Variants in SLC35F1 observed in about 807,000 individuals in gnomAD.
SLC35F1 encodes chromosome 6 open reading frame 169.
SLC35F1 carries 14 observed loss-of-function variants against 48.7 expected under a neutral mutation model. The ratio of observed to expected loss-of-function variants is 0.29; its 90% CI spans 0.19 to 0.45. The LOEUF is 0.45. Ranked by LOEUF, SLC35F1 falls within the 20% of genes least tolerant of loss-of-function variation. The pLI is 1.00. For synonymous variants in SLC35F1, 190 were observed against 202.2 expected, an observed-to-expected ratio of 0.94 and a Z score of 0.51; for missense variants, 404 against 500.0, an observed-to-expected ratio of 0.81 and a Z score of 1.83.
At chr6:117,945,202 A>G (rs1335517243) in intron 1 of SLC35F1, among the ~76,000 whole-genome samples, 1 of 152,186 alleles carries the variant, frequency 6.6e-6, no homozygotes, top group Non-Finnish European at 1.5e-5. Context: ...GTCATCTGGC[A>G]ATTGCCCAGT....
intron 1 of SLC35F1, among the ~76,000 whole-genome samples, chr6:117,953,622 T>G (rs1776391047): frequency 6.6e-6 from 1 of 152,180 alleles, no homozygotes; most frequent in Non-Finnish European, 1.5e-5. Context: ...GTAAAAGTTG[T>G]TGTTTCCCAT....
intron 1 of SLC35F1, among the ~76,000 whole-genome samples, chr6:117,922,775 C>T (rs1247178690): frequency 1.3e-5 from 2 of 152,132 alleles, no homozygotes; most frequent in Non-Finnish European, 2.9e-5. Flanking sequence ...AATTAATATC[C>T]TCTTTGAGCC....
chr6:117,994,844 T>G (rs1776964332), intron 1 of SLC35F1, among the ~76,000 whole-genome samples: 1 of 152,252 alleles, frequency 6.6e-6, no homozygotes, highest in African/African-American at 2.4e-5. Context: ...TTGAATCATT[T>G]CTGTGTCCAA....
intron 1 of SLC35F1, among the ~76,000 whole-genome samples, chr6:117,930,263 C>T (rs1403123989): frequency 6.6e-6 from 1 of 152,158 alleles, no homozygotes; most frequent in African/African-American, 2.4e-5. Flanking sequence ...TGTCTGGACT[C>T]TACATTTTGC....
intron 1 of SLC35F1, among the ~76,000 whole-genome samples, chr6:117,946,264 AATT>A (rs1310504291): frequency 6.6e-6 from 1 of 152,194 alleles, no homozygotes; most frequent in Non-Finnish European, 1.5e-5. Flanking sequence ...TGGATTTAAA[AATT>A]ATTATCTTAA....
chr6:118,071,073 C>A (rs1772712002), intron 1 of SLC35F1, among the ~76,000 whole-genome samples: 1 of 1,186 alleles, frequency 8.4e-4, no homozygotes, highest in Non-Finnish European at 1.3e-3. Flanking sequence ...CGTATATATA[C>A]TATGTGTATA....
intron 3 of SLC35F1, among the ~76,000 whole-genome samples, chr6:118,259,141 A>G (rs1483257157): frequency 1.3e-5 from 2 of 151,788 alleles, no homozygotes; most frequent in Non-Finnish European, 2.9e-5. Flanking sequence ...ATAGAAAGAA[A>G]AAGTTTTGCT....
At chr6:117,974,411 C>T (rs1776681405) in intron 1 of SLC35F1, among the ~76,000 whole-genome samples, 1 of 152,160 alleles carries the variant, frequency 6.6e-6, no homozygotes, top group Non-Finnish European at 1.5e-5. Context: ...TCTTATTCTG[C>T]ACTGAAGTGA....
chr6:118,022,956 C>T (rs1393053925), intron 1 of SLC35F1, among the ~76,000 whole-genome samples: 2 of 152,076 alleles, frequency 1.3e-5, no homozygotes, highest in Non-Finnish European at 2.9e-5. Flanking sequence ...GACGGGGTTT[C>T]ACCGTGTTAG....
chr6:117,984,598 C>G (rs1776826213), intron 1 of SLC35F1, among the ~76,000 whole-genome samples: 1 of 152,052 alleles, frequency 6.6e-6, no homozygotes, highest in African/African-American at 2.4e-5. Flanking sequence ...CCCAGCCATG[C>G]CCATTCATTT....
intron 1 of SLC35F1, among the ~76,000 whole-genome samples, chr6:118,147,413 T>G (rs1485402315): frequency 6.6e-6 from 1 of 152,142 alleles, no homozygotes; most frequent in African/African-American, 2.4e-5. Context: ...TTATAGCCTA[T>G]GCAGAGTTGG....
At chr6:117,945,821 G>T (rs1289000863) in intron 1 of SLC35F1, among the ~76,000 whole-genome samples, 1 of 152,086 alleles carries the variant, frequency 6.6e-6, no homozygotes, top group Non-Finnish European at 1.5e-5. Flanking sequence ...TTTTAATTTT[G>T]GAAAAAGTGT....
intron 1 of SLC35F1, among the ~76,000 whole-genome samples, chr6:118,140,767 T>C (rs1182959342): frequency 2.0e-5 from 3 of 152,214 alleles, no homozygotes; most frequent in Admixed American, 6.5e-5. Context: ...GTGATATTGA[T>C]GACCTTGATC....
At chr6:118,162,628 A>C (rs1207475674) in intron 2 of SLC35F1, among the ~76,000 whole-genome samples, 1 of 152,196 alleles carries the variant, frequency 6.6e-6, no homozygotes, top group African/African-American at 2.4e-5. Context: ...CTGGGCCTAG[A>C]GTTTACAATA....
chr6:118,182,416 C>T (rs185094718), intron 2 of SLC35F1, among the ~76,000 whole-genome samples: 1 of 151,236 alleles, frequency 6.6e-6, no homozygotes, highest in East Asian at 1.9e-4. Context: ...TGTTTAAGCC[C>T]CAGCAATTGA....
At chr6:118,099,393 A>G (rs1773224501) in intron 1 of SLC35F1, among the ~76,000 whole-genome samples, 1 of 152,200 alleles carries the variant, frequency 6.6e-6, no homozygotes, top group African/African-American at 2.4e-5. Flanking sequence ...GCTGTCAGCT[A>G]TGGAAGGTAT....
intron 1 of SLC35F1, among the ~76,000 whole-genome samples, chr6:118,030,353 T>C (rs568130703): frequency 6.6e-6 from 1 of 151,208 alleles, no homozygotes; most frequent in East Asian, 2.0e-4. Flanking sequence ...GTGTCTCCCA[T>C]CAGTGACAGC....
intron 1 of SLC35F1, among the ~76,000 whole-genome samples, chr6:118,065,705 A>G (rs998445871): frequency 6.6e-6 from 1 of 152,218 alleles, no homozygotes; most frequent in Non-Finnish European, 1.5e-5. Flanking sequence ...ATTAAATTTA[A>G]TGGAATTTTG....
At chr6:118,049,058 C>T (rs7774458) in intron 1 of SLC35F1, among the ~76,000 whole-genome samples, 74,979 of 151,748 alleles carry the variant, frequency 0.49, 19,611 homozygotes, top group Middle Eastern at 0.62. Flanking sequence ...GAAATAATGC[C>T]GCATATCTAC....
Sources: gnomAD v4.1 joint callset for allele counts (sites outside exome capture counted in the v4.1 genomes callset) on GRCh38, gnomAD v4.1.1 for gene constraint, MANE v1.5 for transcripts, NCBI Gene and HGNC (gene_info 2026-07-23, HGNC 2026-07-21) for gene names.